SORBS2: variants seen among roughly 807,000 people sequenced by gnomAD.
The protein encoded by SORBS2 is sorbin and SH3 domain containing 2.
A neutral mutation model predicts 97.7 loss-of-function variants in SORBS2; 46 were observed. The ratio of observed to expected loss-of-function variants is 0.47; its 90% CI spans 0.37 to 0.60. The LOEUF is 0.60. Among genes scored for constraint, SORBS2 ranks in the 20% least tolerant of loss-of-function variants. The pLI, the probability that SORBS2 is intolerant of heterozygous loss-of-function variation, is 0.00. For synonymous variants in SORBS2, 476 were observed against 473.4 expected (o/e 1.01, Z -0.07); for missense variants, 1,316 against 1,282.3 (o/e 1.03, Z -0.40).
chr4:185,884,625 C>A (rs777921460), intron 1 of SORBS2, among the ~76,000 whole-genome samples: 1 of 152,180 alleles, frequency 6.6e-6, no homozygotes, highest in African/African-American at 2.4e-5. Flanking sequence ...GGTTTCAGGA[C>A]TGGATCTGAG....
chr4:185,678,829 G>C lies in SORBS2; in HGVS notation c.-197-7C>G, dbSNP rs1561870754. 1.4e-6 allele frequency: 2 copies of C among 1,410,524 alleles called. No homozygotes were observed. Among genetic ancestry groups the C allele is most frequent in the Admixed American group, 3.0e-5 (1 of 33,502 alleles). The allele number at this position is 1,410,524 out of a possible 1,614,324, so 87.4% of individuals were successfully genotyped here. A position where few individuals can be genotyped will look rare whatever the true frequency, so the allele number is the denominator to read the frequency against. ...GGTGACTGAGAATCACGCCCTGAAA[G>C]AAAAAAAAATGTTGAAATTAAGACT... On this transcript the variant is annotated splice_polypyrimidine_tract_variant and splice_region_variant and intron_variant, in intron 2 of 20. Coordinates refer to the SORBS2 transcript ENST00000284776.
intron 1 of SORBS2, among the ~76,000 whole-genome samples, chr4:185,899,298 C>T (rs2099246442): frequency 6.6e-6 from 1 of 152,154 alleles, no homozygotes; most frequent in Admixed American, 6.5e-5. Context: ...GTTAAGGTCT[C>T]GAAGAATTGG....
At chr4:185,662,120 C>T in exon 5 of SORBS2, 1 of 1,614,146 alleles carries the variant, frequency 6.2e-7, no homozygotes, top group Non-Finnish European at 8.5e-7. Flanking sequence ...ATGTGCCGTG[C>T]TGCATGACAA....
intron 1 of SORBS2, among the ~76,000 whole-genome samples, chr4:185,895,942 G>A (rs1267998511): frequency 6.6e-6 from 1 of 152,204 alleles, no homozygotes; most frequent in Non-Finnish European, 1.5e-5. Flanking sequence ...ATTAGCCAGA[G>A]AGAATGATCA....
At chr4:185,613,607 A>G (rs1384127707) in intron 11 of SORBS2, among the ~76,000 whole-genome samples, 1 of 135,012 alleles carries the variant, frequency 7.4e-6, no homozygotes, top group East Asian at 2.3e-4. Context: ...GAGAGCACAC[A>G]TTGCACTCCA....
chr4:185,870,786 A>G lies in SORBS2; in HGVS notation c.-338+85410T>C, dbSNP rs1037425606. ...GGAGCCCACTGCTGTGCTTTTACAG[A>G]CCCAGTGTCAATCAAGGATTCCTTT... On this transcript the variant is annotated intron_variant, in intron 1 of 20. Coordinates refer to the SORBS2 transcript ENST00000284776. Among the ~76,000 whole-genome samples, 5 of 152,184 alleles carry G rather than the reference A, an allele frequency of 3.3e-5. No homozygotes were observed. The East Asian group carries it at 9.6e-4, about 29-fold the overall frequency.
intron 8 of SORBS2, among the ~76,000 whole-genome samples, chr4:185,619,072 T>C (rs949621823): frequency 9.2e-5 from 14 of 152,218 alleles, no homozygotes; most frequent in African/African-American, 3.1e-4. Flanking sequence ...TAGACACTTA[T>C]TAACATATTA....
chr4:185,816,044 T>C (rs2099193091), intron 1 of SORBS2, among the ~76,000 whole-genome samples: 1 of 152,242 alleles, frequency 6.6e-6, no homozygotes, highest in African/African-American at 2.4e-5. Flanking sequence ...ATTACTACCA[T>C]TACTGTTACT....
intron 1 of SORBS2, among the ~76,000 whole-genome samples, chr4:185,858,164 C>CTG (rs2099221708): frequency 1.3e-5 from 2 of 152,208 alleles, no homozygotes; most frequent in South Asian, 4.1e-4. Flanking sequence ...CTCTTTCTCT[C>CTG]TATTTCTCAG....
chr4:185,672,463 C>A (rs1331755782), intron 4 of SORBS2, among the ~76,000 whole-genome samples: 1 of 152,200 alleles, frequency 6.6e-6, no homozygotes, highest in Non-Finnish European at 1.5e-5. Context: ...CCTTCACTTA[C>A]TTGACATTGA....
At chr4:185,662,171 G>A (rs1284059857) in exon 5 of SORBS2, 1 of 1,614,058 alleles carries the variant, frequency 6.2e-7, no homozygotes, top group African/African-American at 1.3e-5. Context: ...ATGCCGAGGG[G>A]GAAAACGGCC....
At chr4:185,626,878 T>C in exon 6 of SORBS2, 1 of 1,614,246 alleles carries the variant, frequency 6.2e-7, no homozygotes, top group Non-Finnish European at 8.5e-7. Flanking sequence ...TGAAAGACTT[T>C]GTAAGAGTGG....
chr4:185,657,745 G>T (rs2097432356), upstream of SORBS2: 1 of 728,340 alleles, frequency 1.4e-6, no homozygotes, highest in African/African-American at 1.9e-5. Flanking sequence ...CATCTGAGCT[G>T]GTGGAAACTG....
At chr4:185,866,966 C>T (rs1328633691) in intron 1 of SORBS2, among the ~76,000 whole-genome samples, 7 of 152,034 alleles carry the variant, frequency 4.6e-5, no homozygotes, top group East Asian at 3.9e-4. Context: ...TCAGGAGTAA[C>T]GCAATGTATA....
At chr4:185,658,938 C>T (rs889768700), upstream of SORBS2, among the ~76,000 whole-genome samples, 1 of 152,050 alleles carries the variant, frequency 6.6e-6, no homozygotes, top group African/African-American at 2.4e-5. Context: ...GATCTCCTGA[C>T]CTCATGATCC....
chr4:185,843,570 A>T (rs1244627729), intron 1 of SORBS2, among the ~76,000 whole-genome samples: 3 of 152,196 alleles, frequency 2.0e-5, no homozygotes, highest in African/African-American at 7.2e-5. Flanking sequence ...GAAAATGAAG[A>T]TTAATAAGCA....
intron 1 of SORBS2, among the ~76,000 whole-genome samples, chr4:185,926,804 C>T (rs1337097519): frequency 6.6e-6 from 1 of 152,036 alleles, no homozygotes; most frequent in African/African-American, 2.4e-5. Flanking sequence ...AAGTGACTTT[C>T]ATCATCACTT....
intron 1 of SORBS2, among the ~76,000 whole-genome samples, chr4:185,883,725 G>A (rs2099237993): frequency 6.6e-6 from 1 of 152,218 alleles, no homozygotes; most frequent in Admixed American, 6.5e-5. Flanking sequence ...GGTGGCATGT[G>A]CCTGTAGTCC....
At chr4:185,776,202 G>C (rs1160515526) in intron 1 of SORBS2, among the ~76,000 whole-genome samples, 3 of 152,240 alleles carry the variant, frequency 2.0e-5, no homozygotes, top group Non-Finnish European at 2.9e-5. Flanking sequence ...GCAGAATGAA[G>C]TGTCCTTGCC....
Sources: gnomAD v4.1 joint callset for allele counts (sites outside exome capture counted in the v4.1 genomes callset) on GRCh38, gnomAD v4.1.1 for gene constraint, MANE v1.5 for transcripts, NCBI Gene and HGNC (gene_info 2026-07-23, HGNC 2026-07-21) for gene names.